The following MCM8 variants were observed in gnomAD, a reference collection of about 807,000 sequenced individuals.
MCM8 encodes minichromosome maintenance 8 homologous recombination repair factor.
MCM8 carries 85 observed loss-of-function variants against 98.9 expected under a neutral mutation model. That is an observed-to-expected ratio of 0.86 (90% CI 0.72 to 1.03). The LOEUF is 1.03. MCM8 is among the 50% of genes least tolerant of loss of function. The pLI is 0.00. For missense variants in MCM8, 951 were observed against 997.8 expected (o/e 0.95, Z 0.63); for synonymous variants, 352 against 338.6 (o/e 1.04, Z -0.44).
intron 10 of MCM8, among the ~76,000 whole-genome samples, chr20:5,968,419 C>T (rs2089325915): frequency 6.6e-6 from 1 of 152,136 alleles, no homozygotes; most frequent in Non-Finnish European, 1.5e-5. Flanking sequence ...GTGGCGGGCG[C>T]CTGTAATCCT....
chr20:5,987,288 G>A lies in MCM8; in HGVS notation c.2170G>A (p.Ala724Thr). Residue 724 changes from alanine (A) to threonine (T), a missense_variant, in exon 17 of 19, where the codon GCA (alanine) becomes ACA (threonine). Coordinates refer to ENST00000610722, the MANE Select transcript of MCM8 (RefSeq NM_032485.6). Reference sequence around the variant, plus strand: ...ATGGTGTTTTCTTTTAAAGGCACGAGCAAGGTTGGAATTGAGAGAGGAAGC... The same window carrying A: ...ATGGTGTTTTCTTTTAAAGGCACGAACAAGGTTGGAATTGAGAGAGGAAGC... ...ESLIRLTEARARLELREEATK... is the reference protein window; with the variant it reads ...ESLIRLTEARTRLELREEATK... The A allele has an allele frequency of 6.2e-7, 1 of 1,612,986 alleles. No individual in the cohort carries two copies.
At chr20:5,972,071 A>C (rs368440300) in intron 11 of MCM8, 34 bp downstream of exon 11, 1 of 1,552,316 alleles carries the variant, frequency 6.4e-7, no homozygotes, top group South Asian at 1.2e-5. Context: ...CTCAAAAAGT[A>C]TATAAGGTTA....
rs748867766 is a variant in MCM8, at chr20:5,983,062, G to T, written c.1630G>T (p.Ala544Ser). The change falls in exon 14 of 19, where the codon GCT becomes TCT. Residue 544 changes from alanine (A) to serine (S), a missense_variant. Physicochemically the swap from Ala to Ser is moderately conservative, Grantham distance 99 (BLOSUM62 1). Transcript: ENST00000610722. ...GCAGCAAAGTATTAGTCTTGCTAAG[G>T]CTGGTGTGGTTTGTAGCCTTCCTGC... Reference protein sequence around the residue: ...MEQQSISLAKAGVVCSLPART... With the variant: ...MEQQSISLAKSGVVCSLPART... 9.3e-6 allele frequency: 15 copies of T among 1,614,000 alleles called. No homozygotes were observed. The highest frequency in any genetic ancestry group is 8.3e-5 in the Admixed American group (5 of 59,992).
At chr20:5,972,979 G>A in intron 11 of MCM8, 77 bp from the exon 12 acceptor site, 1 of 1,465,100 alleles carries the variant, frequency 6.8e-7, no homozygotes, top group Non-Finnish European at 9.3e-7. Context: ...TAATATTATA[G>A]AAGGAGGAAT....
intron 7 of MCM8, among the ~76,000 whole-genome samples, chr20:5,959,216 A>T (rs2089070883): frequency 6.6e-6 from 1 of 152,290 alleles, no homozygotes; most frequent in East Asian, 1.9e-4. Flanking sequence ...TGTAATTAAC[A>T]TTTATCTACT....
At chr20:5,988,402 C>T (rs1272264176) in intron 17 of MCM8, among the ~76,000 whole-genome samples, 1 of 151,674 alleles carries the variant, frequency 6.6e-6, no homozygotes, top group Non-Finnish European at 1.5e-5. Flanking sequence ...GTGGAGGTTG[C>T]AGTGAGCTGA....
chr20:5,967,176 G>C (rs1166710372), intron 8 of MCM8, among the ~76,000 whole-genome samples: 1 of 152,076 alleles, frequency 6.6e-6, no homozygotes, highest in African/African-American at 2.4e-5. Context: ...TATCTCATTT[G>C]CTGATGATAC....
In MCM8 at chr20:5,985,914, T is replaced by C. The variant is rs2089722835; in HGVS notation, c.1954-8T>C. On this transcript the variant is annotated splice_region_variant and splice_polypyrimidine_tract_variant and intron_variant, in intron 15 of 18. Coordinates refer to ENST00000610722, the MANE Select transcript of MCM8 (RefSeq NM_032485.6). ...CTTGTTATCTTGGGCCTTTTAATCA[T>C]GCTTCAGGTGGTTCCTGGAGAAACA... 6.2e-7 allele frequency: 1 copy of C among 1,613,796 alleles called. No homozygotes were observed. Among genetic ancestry groups the C allele is most frequent in the African/African-American group, 1.3e-5 (1 of 74,940 alleles).
At chr20:5,964,546 TGGAGGTAGTAA>T (rs939346874) in intron 8 of MCM8, 1 of 152,200 alleles carries the variant, frequency 6.6e-6, no homozygotes, top group Non-Finnish European at 1.5e-5. Flanking sequence ...AGGGTTAGTC[TGGAGGTAGTAA>T]GTTATTTCAG....
At chr20:5,972,841 A>G (rs1297475401) in intron 11 of MCM8, 3 of 1,364,550 alleles carry the variant, frequency 2.2e-6, no homozygotes, top group Non-Finnish European at 2.9e-6. Context: ...AGTAATTTCT[A>G]AGATAGCTCT....
At chr20:5,964,483 A>T (rs1053501818) in intron 8 of MCM8, 1 of 152,264 alleles carries the variant, frequency 6.6e-6, no homozygotes, top group Non-Finnish European at 1.5e-5. Context: ...TGAGTATGGT[A>T]GAGCCTGATT....
rs2088793551 is a variant in MCM8, at chr20:5,950,659, CG to C, written c.-368del. On this transcript the variant is annotated 5_prime_UTR_variant, in exon 1 of 19. Coordinates refer to ENST00000610722, the MANE Select transcript of MCM8 (RefSeq NM_032485.6). ...CCTCTCGTCTTGCCGCTTCTTTGAG[CG>C]GAAGTTGGATCACTGAAGCGCCAAA... The C allele has an allele frequency of 1.3e-5, 5 of 397,990 alleles. No individual in the cohort carries two copies. The Admixed American group carries it at 1.3e-4, about 11-fold the overall frequency. 24.7% of individuals were successfully genotyped at this position (397,990 alleles called of 1,614,324 possible). A position where few individuals can be genotyped will look rare whatever the true frequency, so the allele number is the denominator to read the frequency against.
chr20:5,958,508 A>T lies in MCM8; in HGVS notation c.591-20A>T, dbSNP rs1164135935. ...AAAAAACATCAATTTTCTGTTCATT[A>T]CTTCCTGTTTTGTCTTTAGGGTGTA... is the stretch of plus-strand genomic sequence containing the variant. On this transcript the variant is annotated intron_variant, in intron 6 of 18. Transcript: ENST00000610722. The T allele has an allele frequency of 9.4e-6, 15 of 1,590,434 alleles. No homozygotes were observed. Among genetic ancestry groups the T allele is most frequent in the Non-Finnish European group, 1.3e-5 (15 of 1,164,720 alleles).
rs982955976 is a variant in MCM8 at position 5,996,367 on chromosome 20, TAACTC to T, written c.*1978_*1982del. On this transcript the variant is annotated 3_prime_UTR_variant, in exon 19 of 19. Transcript: ENST00000610722. The stretch of plus-strand genomic sequence containing the variant: ...GGAGTTAAAAGATATTTAAAGCAAA[TAACTC>T]AGGCATGGTGGTGTGTGCCTGTAGT... The T allele has an allele frequency of 4.0e-5, 6 of 149,366 alleles. No individual in the cohort carries two copies. The highest frequency in any genetic ancestry group is 1.5e-4 in the African/African-American group (6 of 40,222). 9.3% of individuals were successfully genotyped at this position (149,366 alleles called of 1,614,324 possible).
intron 13 of MCM8, among the ~76,000 whole-genome samples, chr20:5,979,211 C>A (rs2122777196): frequency 6.6e-6 from 1 of 152,284 alleles, no homozygotes; most frequent in South Asian, 2.1e-4. Flanking sequence ...GGTTTCCAGG[C>A]CACTTTACTT....
intron 13 of MCM8, among the ~76,000 whole-genome samples, chr20:5,979,223 ATTCTTTACTTCT>A (rs2089579964): frequency 1.3e-5 from 2 of 151,994 alleles, no homozygotes; most frequent in Admixed American, 6.6e-5. Context: ...ACTTTACTTC[ATTCTTTACTTCT>A]TTCTCAGTCG....
intron 8 of MCM8, 54 bp downstream of exon 8, chr20:5,963,413 G>GA (rs1239762648): frequency 1.5e-6 from 2 of 1,323,228 alleles, no homozygotes; most frequent in South Asian, 2.4e-5. Context: ...ACACTGTTGA[G>GA]AAAATCCATA....
At position 5,958,617 on chromosome 20, in the gene MCM8, G is replaced by A. The variant is rs373810010; in HGVS notation, c.680G>A (p.Arg227His). 3.0e-5 allele frequency: 48 copies of A among 1,613,962 alleles called. No individual in the cohort carries two copies. The highest frequency in any genetic ancestry group is 3.4e-5 in the Non-Finnish European group (40 of 1,179,986). The change falls in exon 7 of 19, where the codon CGT becomes CAT. Residue 227 changes from arginine to histidine, a missense_variant. By Grantham distance (29) the Arg-to-His change is conservative. Transcript: ENST00000610722. ...ATTGCTCTAAGAGGGACAGTGGTTCGTGTCAGTAATATAAAGCCTCTTTGC... is the reference window on the plus strand; with the variant it reads ...ATTGCTCTAAGAGGGACAGTGGTTCATGTCAGTAATATAAAGCCTCTTTGC... ...KYIALRGTVV[R>H]VSNIKPLCTK...
Position 5,950,670 on chromosome 20 carries a change from TCA to T in MCM8, c.-357_-356del. ...GCCGCTTCTTTGAGCGGAAGTTGGA[TCA>T]CTGAAGCGCCAAAAAAGAATTTAGG... On this transcript the variant is annotated 5_prime_UTR_variant, in exon 1 of 19. Transcript: ENST00000610722. The T allele has an allele frequency of 2.5e-6, 1 of 393,996 alleles. No homozygotes were observed. The highest frequency in any genetic ancestry group is 4.6e-6 in the Non-Finnish European group (1 of 218,290). 24.4% of individuals were successfully genotyped at this position (393,996 alleles called of 1,614,324 possible). A position where few individuals can be genotyped will look rare whatever the true frequency, so the allele number is the denominator to read the frequency against.
Sources: allele counts gnomAD v4.1 joint callset (sites outside exome capture counted in the v4.1 genomes callset), GRCh38; gene constraint gnomAD v4.1.1; transcripts MANE v1.5; gene names NCBI Gene and HGNC (gene_info 2026-07-23, HGNC 2026-07-21).